The following MALRD1 variants were observed in gnomAD, a reference collection of about 807,000 sequenced individuals.
MALRD1 encodes MAM and LDL-receptor class A domain-containing protein 1.
MALRD1 carries 247 observed loss-of-function variants against 242.1 expected under a neutral mutation model. The ratio of observed to expected loss-of-function variants is 1.02; its 90% CI spans 0.92 to 1.13. MALRD1 has a LOEUF of 1.13. MALRD1 is among the 50% of genes most tolerant of loss of function. The pLI, the probability that MALRD1 is intolerant of heterozygous loss-of-function variation, is 0.00. For synonymous variants in MALRD1, 995 were observed against 866.6 expected, an observed-to-expected ratio of 1.15 and a Z score of -2.60; for missense variants, 2,989 against 2,533.1, an observed-to-expected ratio of 1.18 and a Z score of -3.86.
intron 21 of MALRD1, among the ~76,000 whole-genome samples, chr10:19,307,720 G>T (rs945998616): frequency 6.6e-6 from 1 of 151,450 alleles, no homozygotes; most frequent in Non-Finnish European, 1.5e-5. Flanking sequence ...ATTGGATAGA[G>T]AATTGGGTTT....
At chr10:19,116,325 C>A (rs925326614) in intron 5 of MALRD1, among the ~76,000 whole-genome samples, 1 of 152,162 alleles carries the variant, frequency 6.6e-6, no homozygotes, top group African/African-American at 2.4e-5. Context: ...TTGCCTAAGT[C>A]TCATTTGTAA....
In MALRD1 at chr10:19,204,386, C is replaced by A. The variant is rs1231014903; in HGVS notation, c.2183C>A (p.Thr728Lys). The change falls in exon 16 of 40, where the codon ACA becomes AAA. Residue 728 changes from threonine to lysine, a missense_variant. By Grantham distance (78) the Thr-to-Lys change is moderately conservative. Coordinates refer to ENST00000454679, the MANE Select transcript of MALRD1 (RefSeq NM_001142308.3). ...AKLQSPTFSQ[T>K]GPGCILSFWF... ...CTTCAGAGCCCAACTTTCAGCCAGA[C>A]AGGACCTGGATGCATACTTTCCTTC... 2.0e-5 allele frequency: 31 copies of A among 1,547,042 alleles called. 1 individual carries two copies. The Admixed American group carries it at 3.6e-4, about 18-fold the overall frequency.
chr10:19,083,497 T>A (rs994615020), intron 2 of MALRD1, among the ~76,000 whole-genome samples: 2 of 152,002 alleles, frequency 1.3e-5, no homozygotes, highest in Admixed American at 1.3e-4. Flanking sequence ...CTCAGGTGAC[T>A]ATGAAGTTAT....
intron 5 of MALRD1, among the ~76,000 whole-genome samples, chr10:19,110,731 C>G (rs1372173439): frequency 6.6e-6 from 1 of 152,120 alleles, no homozygotes; most frequent in Non-Finnish European, 1.5e-5. Flanking sequence ...AATGAGACAT[C>G]TGGTTCTTGA....
At chr10:19,493,230 A>G (rs980684540) in intron 30 of MALRD1, 1 of 151,972 alleles carries the variant, frequency 6.6e-6, no homozygotes, top group South Asian at 2.1e-4. Flanking sequence ...TTTCATTTCT[A>G]TTCTAGGTAC....
At chr10:19,309,522 T>C (rs1842346005) in intron 21 of MALRD1, among the ~76,000 whole-genome samples, 2 of 151,550 alleles carry the variant, frequency 1.3e-5, no homozygotes, top group South Asian at 2.1e-4. Context: ...CCGTTCCAGG[T>C]GCTGGGGGAA....
At chr10:19,506,740 T>TA in intron 31 of MALRD1, among the ~76,000 whole-genome samples, 1 of 152,252 alleles carries the variant, frequency 6.6e-6, no homozygotes, top group South Asian at 2.1e-4. Flanking sequence ...CATTATCTGA[T>TA]AAAAATATAT....
intron 29 of MALRD1, among the ~76,000 whole-genome samples, chr10:19,471,644 T>C (rs115400260): frequency 1.6e-3 from 221 of 135,462 alleles, no homozygotes; most frequent in African/African-American, 5.8e-3. Flanking sequence ...TCAGTATGCA[T>C]ATATTTCACC....
chr10:19,716,279 C>T (rs1238061237), intron 38 of MALRD1, among the ~76,000 whole-genome samples: 2 of 152,156 alleles, frequency 1.3e-5, no homozygotes, highest in Admixed American at 6.6e-5. Context: ...GGAGGTGGAG[C>T]CTGCTGGGAG....
chr10:19,250,634 T>G (rs1839256325), intron 18 of MALRD1, among the ~76,000 whole-genome samples: 1 of 151,948 alleles, frequency 6.6e-6, no homozygotes, highest in African/African-American at 2.4e-5. Context: ...TTTGTGCATC[T>G]AAAAACATAC....
In MALRD1 at chr10:19,283,081, C is replaced by G. The variant is rs745362755; in HGVS notation, c.3319C>G (p.His1107Asp). Residue 1107 changes from histidine (H) to aspartate (D), a missense_variant, in exon 21 of 40, where the codon CAT becomes GAT. By Grantham distance (81) the His-to-Asp change is moderately conservative. Coordinates refer to ENST00000454679, the MANE Select transcript of MALRD1 (RefSeq NM_001142308.3). ...LCKWYQPIPVHLLQDSNTFRW... is the reference protein window; with the variant it reads ...LCKWYQPIPVDLLQDSNTFRW... ...TAAATGGTATCAACCAATCCCAGTA[C>G]ATTTGCTTCAAGATTCAAACACATT... The G allele has an allele frequency of 2.1e-5, 32 of 1,549,978 alleles. No homozygotes were observed. In the African/African-American group the frequency reaches 4.1e-4, roughly 20 times the overall value.
Position 19,365,675 on chromosome 10 carries a change from A to C in MALRD1, c.4441+13378A>C, listed in dbSNP as rs917525520. Among the ~76,000 whole-genome samples, 11 of 26,598 alleles carry C rather than the reference A, an allele frequency of 4.1e-4. No homozygotes were observed. In the East Asian group the frequency reaches 7.0e-3, roughly 17 times the overall value. 17.4% of individuals were successfully genotyped at this position (26,598 alleles called of 152,430 possible). A position where few individuals can be genotyped will look rare whatever the true frequency, so the allele number is the denominator to read the frequency against. On this transcript the variant is annotated intron_variant, in intron 26 of 39. Transcript: ENST00000454679. The stretch of plus-strand genomic sequence containing the variant: ...TATAAATTCTAAAAAAAAAAAAAAA[A>C]AAAAAAAAAAAAACAAGCTACTATG...
At chr10:19,397,128 T>A (rs959110608) in intron 28 of MALRD1, among the ~76,000 whole-genome samples, 21 of 152,118 alleles carry the variant, frequency 1.4e-4, no homozygotes, top group African/African-American at 5.1e-4. Context: ...CTCTGCTAGC[T>A]ATTTTGAAAT....
chr10:19,684,396 C>T (rs1375929254), intron 36 of MALRD1, among the ~76,000 whole-genome samples: 1 of 152,134 alleles, frequency 6.6e-6, no homozygotes, highest in Non-Finnish European at 1.5e-5. Flanking sequence ...ATTTCTAAAG[C>T]ATGTAATATA....
rs1228100260 is a variant in MALRD1 at position 19,155,152 on chromosome 10, A to G, written c.1636A>G (p.Thr546Ala). The G allele has an allele frequency of 4.9e-6, 6 of 1,231,360 alleles. No homozygotes were observed. Among genetic ancestry groups the G allele is most frequent in the Non-Finnish European group, 6.1e-6 (6 of 987,830 alleles). The allele number at this position is 1,231,360 out of a possible 1,614,324, so 76.3% of individuals were successfully genotyped here. Residue 546 changes from threonine (T) to alanine (A), a missense_variant, in exon 12 of 40, where the codon ACT becomes GCT. Coordinates refer to ENST00000454679, the MANE Select transcript of MALRD1 (RefSeq NM_001142308.3). Reference sequence around the variant, plus strand: ...AAGTCCTGTTCTTACAAAATTGCTCACTGCCTCTACCCCATGTCAGGTAAT... The same window carrying G: ...AAGTCCTGTTCTTACAAAATTGCTCGCTGCCTCTACCCCATGTCAGGTAAT... ...LGSPVLTKLL[T>A]ASTPCQVQFW...
intron 21 of MALRD1, among the ~76,000 whole-genome samples, chr10:19,308,164 A>G (rs1348936358): frequency 1.3e-5 from 2 of 151,424 alleles, no homozygotes; most frequent in Non-Finnish European, 3.0e-5. Flanking sequence ...AACTATCCCT[A>G]CATTTCGTCT....
chr10:19,695,659 A>G (rs1833347284), intron 38 of MALRD1, among the ~76,000 whole-genome samples: 1 of 151,786 alleles, frequency 6.6e-6, no homozygotes, highest in South Asian at 2.1e-4. Flanking sequence ...AGCTGGGATT[A>G]CAGGTACCTG....
chr10:19,126,682 A>G (rs974104787), intron 7 of MALRD1, among the ~76,000 whole-genome samples: 15 of 151,952 alleles, frequency 9.9e-5, no homozygotes, highest in African/African-American at 3.4e-4. Flanking sequence ...TTATATTTAT[A>G]TATTTTACTG....
intron 29 of MALRD1, chr10:19,489,279 GA>G: frequency 2.0e-6 from 1 of 490,476 alleles, no homozygotes. Flanking sequence ...AGAGCAAAGG[GA>G]AAACAGGCCT....
Sources: gnomAD v4.1 joint callset for allele counts (sites outside exome capture counted in the v4.1 genomes callset) on GRCh38, gnomAD v4.1.1 for gene constraint, MANE v1.5 for transcripts, NCBI Gene and HGNC (gene_info 2026-07-23, HGNC 2026-07-21) for gene names.